LGR5: variants seen among roughly 807,000 people sequenced by gnomAD.
LGR5 encodes the protein leucine-rich repeat-containing G protein-coupled receptor 5.
LGR5 carries 54 observed loss-of-function variants against 76.7 expected under a neutral mutation model. The observed-to-expected ratio is 0.70, with a 90% CI of 0.57 to 0.88. The LOEUF (loss-of-function observed/expected upper bound fraction) is 0.88. Ranked by LOEUF, LGR5 falls within the 40% of genes least tolerant of loss-of-function variation. The pLI is 0.00. For synonymous variants in LGR5, 406 were observed against 421.9 expected, an observed-to-expected ratio of 0.96 and a Z score of 0.46; for missense variants, 1,078 against 1,073.3, an observed-to-expected ratio of 1.00 and a Z score of -0.06.
chr12:71,496,762 C>T (rs58803257), intron 1 of LGR5, among the ~76,000 whole-genome samples: 3,478 of 152,174 alleles, frequency 0.023, 138 homozygotes, highest in African/African-American at 0.079. Flanking sequence ...TAAGAAGGAA[C>T]AAACTATTGC....
chr12:71,464,321 G>C (rs1164899110), intron 1 of LGR5, among the ~76,000 whole-genome samples: 1 of 152,170 alleles, frequency 6.6e-6, no homozygotes, highest in Non-Finnish European at 1.5e-5. Flanking sequence ...AGGAGGATAG[G>C]AGGGAGGGAG....
intron 11 of LGR5, among the ~76,000 whole-genome samples, chr12:71,568,677 G>T (rs1399477826): frequency 3.3e-5 from 5 of 152,322 alleles, no homozygotes; most frequent in African/African-American, 9.6e-5. Context: ...CTTAGCTAGT[G>T]TATCAACCAA....
chr12:71,502,301 G>A (rs1287589834), intron 1 of LGR5, among the ~76,000 whole-genome samples: 1 of 148,268 alleles, frequency 6.7e-6, no homozygotes, highest in Admixed American at 6.9e-5. Flanking sequence ...GGGTTCAAAC[G>A]ATTCTCTTGC....
chr12:71,477,719 C>T (rs1873403117), intron 1 of LGR5, among the ~76,000 whole-genome samples: 1 of 152,092 alleles, frequency 6.6e-6, no homozygotes, highest in Non-Finnish European at 1.5e-5. Context: ...CCTTTCATGA[C>T]ACTAACTTCC....
intron 1 of LGR5, among the ~76,000 whole-genome samples, chr12:71,456,837 A>T (rs1010576884): frequency 6.6e-6 from 1 of 152,164 alleles, no homozygotes; most frequent in Non-Finnish European, 1.5e-5. Context: ...TTTTTGAAAG[A>T]GCTGAGCAAG....
rs375599630 is a variant in LGR5 at position 71,572,906 on chromosome 12, T to G, written c.1193T>G (p.Leu398Arg). ...EIKVDTFQQLLSLRSLNLAWN... is the reference protein window; with the variant it reads ...EIKVDTFQQLRSLRSLNLAWN... Reference sequence around the variant, plus strand: ...AAAGTTGACACTTTCCAGCAGTTGCTTAGCCTCCGATCGCTGTGAGTATCA... The same window carrying G: ...AAAGTTGACACTTTCCAGCAGTTGCGTAGCCTCCGATCGCTGTGAGTATCA... The change falls in exon 13 of 18, where the codon CTT becomes CGT. Residue 398 changes from leucine (L) to arginine (R), a missense_variant. Physicochemically the swap from Leu to Arg is moderately radical, Grantham distance 102 (BLOSUM62 -2). Coordinates refer to ENST00000266674, the MANE Select transcript of LGR5 (RefSeq NM_003667.4). The G allele has an allele frequency of 4.3e-6, 7 of 1,613,532 alleles. No homozygotes were observed. The African/African-American group carries it at 8.0e-5, about 18-fold the overall frequency.
chr12:71,532,920 A>G (rs1876397347), intron 3 of LGR5, among the ~76,000 whole-genome samples: 1 of 152,132 alleles, frequency 6.6e-6, no homozygotes, highest in Admixed American at 6.5e-5. Flanking sequence ...AGCTAGGTGT[A>G]GTAACTCACA....
chr12:71,497,134 T>C (rs1750811442), intron 1 of LGR5, among the ~76,000 whole-genome samples: 1 of 151,582 alleles, frequency 6.6e-6, no homozygotes, highest in Non-Finnish European at 1.5e-5. Context: ...GGCAACATAG[T>C]GAGACCTCAT....
Position 71,553,243 on chromosome 12 carries a change from A to C in LGR5, c.599A>C (p.His200Pro). The C allele has an allele frequency of 1.9e-6, 3 of 1,613,806 alleles. No homozygotes were observed. Among genetic ancestry groups the C allele is most frequent in the Non-Finnish European group, 2.5e-6 (3 of 1,179,962 alleles). ...ACCTTGGCCCTGAACAAAATACACC[A>C]CATACCAGACTATGCCTTTGGAAAC... ...AMTLALNKIH[H>P]IPDYAFGNLS... The change falls in exon 5 of 18, where the codon CAC (histidine) becomes CCC (proline). Residue 200 changes from histidine (H) to proline (P), a missense_variant. His to Pro is a moderately conservative substitution (Grantham distance 77). Coordinates refer to ENST00000266674, the MANE Select transcript of LGR5 (RefSeq NM_003667.4).
chr12:71,545,007 C>T (rs1441289662), intron 4 of LGR5, among the ~76,000 whole-genome samples: 1 of 152,004 alleles, frequency 6.6e-6, no homozygotes, highest in African/African-American at 2.4e-5. Flanking sequence ...AGCCGTGGCT[C>T]ACACCTGTAA....
At chr12:71,564,810 C>CACTG (rs1565761800) in intron 8 of LGR5, among the ~76,000 whole-genome samples, 44 of 149,338 alleles carry the variant, frequency 2.9e-4, no homozygotes, top group African/African-American at 8.9e-4. Context: ...TGTACACACA[C>CACTG]TGTATATAGA....
intron 11 of LGR5, among the ~76,000 whole-genome samples, chr12:71,568,530 C>T (rs913857684): frequency 1.3e-5 from 2 of 152,136 alleles, no homozygotes; most frequent in African/African-American, 4.8e-5. Flanking sequence ...CTTGAAAAGC[C>T]GGGAGGAATA....
At chr12:71,564,997 G>A (rs944531849) in intron 8 of LGR5, among the ~76,000 whole-genome samples, 4 of 131,956 alleles carry the variant, frequency 3.0e-5, no homozygotes, top group South Asian at 2.6e-4. Context: ...ATATATATAC[G>A]TACATGTATG....
At chr12:71,497,596 A>C (rs1290445563) in intron 1 of LGR5, among the ~76,000 whole-genome samples, 1 of 152,176 alleles carries the variant, frequency 6.6e-6, no homozygotes, top group Non-Finnish European at 1.5e-5. Context: ...GCCTTTTGAG[A>C]TTCACAAGAA....
intron 5 of LGR5, 22 bp from the exon 6 acceptor site, chr12:71,556,597 T>C (rs1048436657): frequency 6.5e-7 from 1 of 1,530,600 alleles, no homozygotes; most frequent in Non-Finnish European, 9.1e-7. Flanking sequence ...CCTTCCTAAC[T>C]ATCTGTAATG....
intron 17 of LGR5, 123 bp downstream of exon 17, chr12:71,582,662 C>T (rs113512153): frequency 0.018 from 12,537 of 685,408 alleles, 200 homozygotes; most frequent in Non-Finnish European, 0.022. Flanking sequence ...ATCAGTAACC[C>T]TCCCCATAGT....
At chr12:71,580,446 A>G (rs1879044572) in intron 16 of LGR5, 23 bp downstream of exon 16, 1 of 1,605,300 alleles carries the variant, frequency 6.2e-7, no homozygotes. Context: ...ATGCCATGGT[A>G]ATGAAATTGT....
chr12:71,489,881 AG>A (rs60675870), intron 1 of LGR5, among the ~76,000 whole-genome samples: 3,466 of 152,162 alleles, frequency 0.023, 132 homozygotes, highest in African/African-American at 0.079. Flanking sequence ...TGGGCAACAT[AG>A]TGAGAAGCCA....
rs1469530009 is a variant in LGR5, at chr12:71,558,301, C to CT, written c.717-1277dup. On this transcript the variant is annotated intron_variant, in intron 6 of 17. Transcript: ENST00000266674. ...TTTGATGGGTATTTCCATAAATAGT[C>CT]TTTTTTTTCCCCTCAATGTTTGGGG... 7.8e-4 allele frequency among the ~76,000 whole-genome samples: 118 copies of CT among 152,248 alleles called. 1 individual carries two copies. The highest frequency in any genetic ancestry group is 3.1e-3 in the Admixed American group (47 of 15,296).
Sources: allele counts gnomAD v4.1 joint callset (sites outside exome capture counted in the v4.1 genomes callset), GRCh38; gene constraint gnomAD v4.1.1; transcripts MANE v1.5; gene names NCBI Gene and HGNC (gene_info 2026-07-23, HGNC 2026-07-21).